MAGI1: variants seen among roughly 807,000 people sequenced by gnomAD.
MAGI1 encodes the protein membrane associated guanylate kinase, WW and PDZ domain containing 1.
Under a neutral mutation model 139.9 loss-of-function variants are expected in MAGI1, and 58 were observed. That is an observed-to-expected ratio of 0.41 (90% CI 0.34 to 0.52). The LOEUF (loss-of-function observed/expected upper bound fraction) is 0.52, where lower values mean the gene tolerates loss of function less well. Among genes scored for constraint, MAGI1 ranks in the 20% least tolerant of loss-of-function variants. MAGI1 has a pLI of 0.12. For missense variants in MAGI1, 1,874 were observed against 1,901.6 expected, an observed-to-expected ratio of 0.99 and a Z score of 0.27; for synonymous variants, 812 against 737.9, an observed-to-expected ratio of 1.10 and a Z score of -1.63.
chr3:65,523,771 T>A (rs62255325), intron 2 of MAGI1, among the ~76,000 whole-genome samples: 16,626 of 152,284 alleles, frequency 0.11, 1,156 homozygotes, highest in Non-Finnish European at 0.15. Flanking sequence ...GAAATAGTGG[T>A]TAGAAGTGAA....
chr3:65,990,715 T>C (rs2066126837), intron 1 of MAGI1, among the ~76,000 whole-genome samples: 1 of 152,166 alleles, frequency 6.6e-6, no homozygotes, highest in Admixed American at 6.5e-5. Context: ...TATAGGCCAT[T>C]GTGCAGAAGA....
intron 9 of MAGI1, among the ~76,000 whole-genome samples, chr3:65,437,989 C>T (rs1308293932): frequency 1.3e-5 from 2 of 152,098 alleles, no homozygotes; most frequent in Non-Finnish European, 2.9e-5. Flanking sequence ...TTACTGCAAC[C>T]TCTATAGAAC....
chr3:65,720,932 G>A (rs1290376509), intron 1 of MAGI1, among the ~76,000 whole-genome samples: 1 of 151,832 alleles, frequency 6.6e-6, no homozygotes, highest in East Asian at 1.9e-4. Context: ...TGTAGAGACG[G>A]GGTTTCACCA....
chr3:65,501,977 T>C (rs1039715547), intron 2 of MAGI1, among the ~76,000 whole-genome samples: 1 of 152,170 alleles, frequency 6.6e-6, no homozygotes, highest in Non-Finnish European at 1.5e-5. Context: ...ATTTATATTC[T>C]ATATATTCTA....
chr3:65,779,005 T>G (rs1035114324), intron 1 of MAGI1, among the ~76,000 whole-genome samples: 5 of 152,156 alleles, frequency 3.3e-5, no homozygotes, highest in African/African-American at 1.2e-4. Flanking sequence ...ACAGAACAGC[T>G]GCCTGCTCCC....
intron 1 of MAGI1, among the ~76,000 whole-genome samples, chr3:65,931,845 C>T (rs570971547): frequency 1.5e-4 from 23 of 150,106 alleles, no homozygotes; most frequent in Non-Finnish European, 3.4e-4. Flanking sequence ...AAAATCACTA[C>T]CTATATTTTT....
intron 1 of MAGI1, among the ~76,000 whole-genome samples, chr3:65,935,755 C>T (rs2063021273): frequency 6.6e-6 from 1 of 152,256 alleles, no homozygotes; most frequent in African/African-American, 2.4e-5. Context: ...GGCCTTGCCA[C>T]TTCCACCTTC....
intron 5 of MAGI1, among the ~76,000 whole-genome samples, chr3:65,466,451 C>T (rs915963063): frequency 1.3e-5 from 2 of 152,020 alleles, no homozygotes; most frequent in African/African-American, 2.4e-5. Context: ...TTGTTGACAC[C>T]GGAGAGGGGA....
At chr3:65,579,910 A>G (rs2081341653) in intron 2 of MAGI1, among the ~76,000 whole-genome samples, 1 of 152,038 alleles carries the variant, frequency 6.6e-6, no homozygotes, top group East Asian at 1.9e-4. Flanking sequence ...AAACTAGACA[A>G]GCTCACTGGC....
chr3:65,936,131 AAAATCAATGGAAAGCCATGG>A (rs550357471), intron 1 of MAGI1, among the ~76,000 whole-genome samples: 68 of 152,350 alleles, frequency 4.5e-4, no homozygotes, highest in African/African-American at 1.6e-3. Flanking sequence ...CCTTCATCCT[AAAATCAATGGAAAGCCATGG>A]AAGGGTTTTA....
chr3:65,560,339 C>T lies in MAGI1; in HGVS notation c.430+61633G>A, dbSNP rs578102795. ...GATTGTTTGTAATACAAAGGATAAA[C>T]GCTTGAGGGGATGGATACTGATTTT... On this transcript the variant is annotated intron_variant, in intron 2 of 22. Coordinates refer to ENST00000402939, the MANE Select transcript of MAGI1 (RefSeq NM_001033057.2). 7.0e-4 allele frequency among the ~76,000 whole-genome samples: 106 copies of T among 152,136 alleles called. 1 individual carries two copies. Among genetic ancestry groups the T allele is most frequent in the African/African-American group, 2.3e-3 (97 of 41,498 alleles).
At chr3:65,615,357 G>A (rs1222559374) in intron 2 of MAGI1, among the ~76,000 whole-genome samples, 5 of 152,170 alleles carry the variant, frequency 3.3e-5, no homozygotes, top group Admixed American at 2.0e-4. Context: ...GTGAATGCAC[G>A]CTTCCCTGGG....
At chr3:65,862,595 T>C (rs116346240) in intron 1 of MAGI1, among the ~76,000 whole-genome samples, 4,010 of 152,310 alleles carry the variant, frequency 0.026, 83 homozygotes, top group Middle Eastern at 0.044. Flanking sequence ...CTGGGTTCTA[T>C]AGCTAACAGA....
chr3:65,696,196 G>A (rs990708632), intron 1 of MAGI1, among the ~76,000 whole-genome samples: 1 of 152,046 alleles, frequency 6.6e-6, no homozygotes, highest in Non-Finnish European at 1.5e-5. Context: ...ACTTTCTGCA[G>A]GTACCTATTC....
At chr3:65,822,391 G>T (rs990995672) in intron 1 of MAGI1, among the ~76,000 whole-genome samples, 3 of 152,076 alleles carry the variant, frequency 2.0e-5, no homozygotes, top group African/African-American at 7.2e-5. Context: ...AGCCGAGTGC[G>T]GTGGTGCATG....
chr3:65,624,550 T>C (rs555143057), intron 1 of MAGI1, among the ~76,000 whole-genome samples: 9 of 152,360 alleles, frequency 5.9e-5, no homozygotes, highest in Non-Finnish European at 1.2e-4. Flanking sequence ...TTCATTCATA[T>C]AGAAAGTTTT....
chr3:65,870,582 GAGA>G (rs1046930001), intron 1 of MAGI1, among the ~76,000 whole-genome samples: 1 of 150,514 alleles, frequency 6.6e-6, no homozygotes, highest in Non-Finnish European at 1.5e-5. Flanking sequence ...AAATCAAGTA[GAGA>G]AGGAGGGAGG....
chr3:65,514,643 A>T (rs1413768124), intron 2 of MAGI1, among the ~76,000 whole-genome samples: 1 of 133,524 alleles, frequency 7.5e-6, no homozygotes, highest in Admixed American at 7.8e-5. Flanking sequence ...GGCAATCATT[A>T]AAAAGTCAGG....
chr3:65,881,884 T>C (rs528153990), intron 1 of MAGI1, among the ~76,000 whole-genome samples: 1 of 152,268 alleles, frequency 6.6e-6, no homozygotes, highest in South Asian at 2.1e-4. Context: ...TAAGAGCCTC[T>C]GGAAAGCCAG....
Sources: allele counts gnomAD v4.1 joint callset (sites outside exome capture counted in the v4.1 genomes callset), GRCh38; gene constraint gnomAD v4.1.1; transcripts MANE v1.5; gene names NCBI Gene and HGNC (gene_info 2026-07-23, HGNC 2026-07-21).